Variants in ERI1 observed in about 807,000 individuals in gnomAD.
The protein encoded by ERI1 is exoribonuclease 1.
In ERI1, 39 loss-of-function variants were observed where a neutral mutation model predicts 39.7. The observed-to-expected ratio is 0.98, with a 90% CI of 0.76 to 1.28. The LOEUF (loss-of-function observed/expected upper bound fraction) is 1.28, where lower values mean the gene tolerates loss of function less well. Ranked by LOEUF, ERI1 falls within the 50% of genes most tolerant of loss-of-function variation. The probability of loss-of-function intolerance (pLI) is 0.00; values close to 1 mark genes in which losing one functional copy is unlikely to be tolerated. For synonymous variants in ERI1, 204 were observed against 149.6 expected, an observed-to-expected ratio of 1.36 and a Z score of -2.65; for missense variants, 581 against 416.9, an observed-to-expected ratio of 1.39 and a Z score of -3.43.
At chr8:9,041,031 G>C (rs907283472) in intron 3 of ERI1, among the ~76,000 whole-genome samples, 1 of 152,202 alleles carries the variant, frequency 6.6e-6, no homozygotes, top group Non-Finnish European at 1.5e-5. Context: ...AGTGCAGACA[G>C]CTGAGCCCCC....
At chr8:9,041,806 C>G (rs780426378) in intron 3 of ERI1, among the ~76,000 whole-genome samples, 9 of 152,206 alleles carry the variant, frequency 5.9e-5, no homozygotes, top group Non-Finnish European at 1.0e-4. Flanking sequence ...GTGATCTCGG[C>G]TGACTTCAAC....
At position 9,044,933 on chromosome 8, in the gene ERI1, G is replaced by A. The variant is rs1437076191; in HGVS notation, n.299+24469G>A. ...AATCTCGCCTTAGAGTCCTGACCAC[G>A]AAGCCCTTAAGAGTAGTAATATTGC... On this transcript the variant is annotated intron_variant and non_coding_transcript_variant, in intron 3 of 3. Transcript: ENST00000518663. Among the ~76,000 whole-genome samples, 15 of 151,948 alleles carry A rather than the reference G, an allele frequency of 9.9e-5. 1 individual carries two copies. The highest frequency in any genetic ancestry group is 8.5e-4 in the Admixed American group (13 of 15,240).
At chr8:9,024,863 T>G (rs1818305720) in intron 6 of ERI1, among the ~76,000 whole-genome samples, 1 of 152,174 alleles carries the variant, frequency 6.6e-6, no homozygotes, top group Non-Finnish European at 1.5e-5. Flanking sequence ...CAATTTTAGA[T>G]TGAATTTAAG....
intron 6 of ERI1, among the ~76,000 whole-genome samples, chr8:9,021,306 ATCT>A (rs1364923018): frequency 2.6e-5 from 4 of 152,154 alleles, no homozygotes; most frequent in Middle Eastern, 3.2e-3. Flanking sequence ...CTTGCAGACT[ATCT>A]TCCTGGAGCC....
intron 3 of ERI1, among the ~76,000 whole-genome samples, chr8:9,090,369 T>C (rs1482158241): frequency 2.0e-5 from 3 of 152,174 alleles, no homozygotes; most frequent in Admixed American, 6.5e-5. Context: ...TCTCATTGGT[T>C]GACCCAATCA....
intron 3 of ERI1, among the ~76,000 whole-genome samples, chr8:9,059,182 T>G (rs968838556): frequency 1.3e-5 from 2 of 152,060 alleles, no homozygotes; most frequent in Non-Finnish European, 2.9e-5. Flanking sequence ...GTCATCAGTT[T>G]AGGCAGGAAC....
intron 3 of ERI1, among the ~76,000 whole-genome samples, chr8:9,076,100 C>G (rs573159351): frequency 2.0e-5 from 3 of 152,132 alleles, no homozygotes; most frequent in Non-Finnish European, 2.9e-5. Context: ...CCATGCCCAG[C>G]TAATTTTTGC....
chr8:9,084,023 G>C (rs930201710), intron 3 of ERI1, among the ~76,000 whole-genome samples: 3 of 152,154 alleles, frequency 2.0e-5, no homozygotes, highest in Non-Finnish European at 4.4e-5. Context: ...TCGATCTCCT[G>C]ACCTCATGAT....
Position 9,016,349 on chromosome 8 carries a change from C to T in ERI1, c.526C>T (p.Pro176Ser). ...IEDTFQQYVR[P>S]EINTQLSDFC... ...AGACACGTTTCAGCAGTATGTAAGA[C>T]CAGAGATTAACACACAGCTGTCTGA... The change falls in exon 4 of 7, where the codon CCA becomes TCA. Residue 176 changes from proline (P) to serine (S), a missense_variant. Pro to Ser is a moderately conservative substitution (Grantham distance 74). Transcript: ENST00000250263. The T allele has an allele frequency of 6.2e-7, 1 of 1,606,526 alleles. No homozygotes were observed. The highest frequency in any genetic ancestry group is 8.5e-7 in the Non-Finnish European group (1 of 1,176,212).
chr8:9,018,164 C>A, intron 4 of ERI1, 133 bp from the exon 5 acceptor site: 1 of 520,398 alleles, frequency 1.9e-6, no homozygotes, highest in South Asian at 3.6e-5. Flanking sequence ...GGAGCTAAGC[C>A]AAGGAAACCA....
rs1317340530 is a variant in ERI1, at chr8:9,032,785, G to A, written c.*2751G>A. 1 of 152,198 alleles carries A rather than the reference G, an allele frequency of 6.6e-6. No individual in the cohort carries two copies. The highest frequency in any genetic ancestry group is 1.5e-5 in the Non-Finnish European group (1 of 68,036). The allele number at this position is 152,198 out of a possible 1,614,324, so 9.4% of individuals were successfully genotyped here. ...ATTACTGGGGAGGGGAAGAAGCACA[G>A]GTGGTCAAGATAATAATGCATGTTT... On this transcript the variant is annotated 3_prime_UTR_variant, in exon 7 of 7. Coordinates refer to ENST00000250263, the MANE Select transcript of ERI1 (RefSeq NM_153332.4).
chr8:9,076,108 T>C (rs909152262), intron 3 of ERI1, among the ~76,000 whole-genome samples: 34 of 152,264 alleles, frequency 2.2e-4, no homozygotes, highest in African/African-American at 7.9e-4. Context: ...AGCTAATTTT[T>C]GCTGCTGTTG....
At chr8:9,020,889 C>T (rs535911616) in intron 6 of ERI1, among the ~76,000 whole-genome samples, 3 of 152,194 alleles carry the variant, frequency 2.0e-5, no homozygotes, top group African/African-American at 7.2e-5. Context: ...GAGGCAAACA[C>T]TTTCAACTTA....
At chr8:9,081,216 G>C (rs1458044833) in intron 3 of ERI1, among the ~76,000 whole-genome samples, 1 of 152,188 alleles carries the variant, frequency 6.6e-6, no homozygotes, top group African/African-American at 2.4e-5. Context: ...CTCCCACCAG[G>C]ACCCTCTGTT....
intron 3 of ERI1, among the ~76,000 whole-genome samples, chr8:9,090,213 T>C (rs1799662530): frequency 6.6e-6 from 1 of 151,806 alleles, no homozygotes; most frequent in South Asian, 2.1e-4. Context: ...CACTGCTTCT[T>C]CCTCCTCCTG....
At chr8:9,033,724 G>C (rs1301369957), downstream of ERI1, among the ~76,000 whole-genome samples, 1 of 152,208 alleles carries the variant, frequency 6.6e-6, no homozygotes, top group Non-Finnish European at 1.5e-5. Context: ...AGTTTAAGTA[G>C]TGGGAGCTGT....
chr8:9,056,593 C>T (rs1436780664), intron 3 of ERI1, among the ~76,000 whole-genome samples: 1 of 152,130 alleles, frequency 6.6e-6, no homozygotes, highest in African/African-American at 2.4e-5. Flanking sequence ...AGGCTTTTGG[C>T]CCATTTTCGA....
At chr8:9,065,134 T>C (rs969936915) in intron 3 of ERI1, among the ~76,000 whole-genome samples, 3 of 152,240 alleles carry the variant, frequency 2.0e-5, no homozygotes, top group Non-Finnish European at 2.9e-5. Flanking sequence ...ACCGGCCATC[T>C]GGATGTGTAC....
At chr8:9,052,021 A>T (rs561327414) in intron 3 of ERI1, among the ~76,000 whole-genome samples, 1 of 152,256 alleles carries the variant, frequency 6.6e-6, no homozygotes, top group Admixed American at 6.5e-5. Context: ...CCCAGATCTC[A>T]TAGGGTCGTA....
Sources: gnomAD v4.1 joint callset for allele counts (sites outside exome capture counted in the v4.1 genomes callset) on GRCh38, gnomAD v4.1.1 for gene constraint, MANE v1.5 for transcripts, NCBI Gene and HGNC (gene_info 2026-07-23, HGNC 2026-07-21) for gene names.